BRD4: variants seen among roughly 807,000 people sequenced by gnomAD.
BRD4 encodes bromodomain-containing protein 4.
In BRD4, 16 loss-of-function variants were observed where a neutral mutation model predicts 142.1. The ratio of observed to expected loss-of-function variants is 0.11; its 90% CI spans 0.08 to 0.17. The LOEUF is 0.17. Ranked by LOEUF, BRD4 falls within the 10% of genes least tolerant of loss-of-function variation. BRD4 has a pLI of 1.00. For synonymous variants in BRD4, 833 were observed against 707.5 expected, an observed-to-expected ratio of 1.18 and a Z score of -2.82; for missense variants, 1,424 against 1,810.9, an observed-to-expected ratio of 0.79 and a Z score of 3.88.
chr19:15,240,612 G>A (rs767595066), intron 14 of BRD4, among the ~76,000 whole-genome samples: 12 of 152,176 alleles, frequency 7.9e-5, no homozygotes, highest in Non-Finnish European at 1.6e-4. Flanking sequence ...GGGAGCAGGC[G>A]GAAAAGGGCC....
chr19:15,322,112 T>A (rs2048066541), intron 1 of BRD4, among the ~76,000 whole-genome samples: 1 of 152,124 alleles, frequency 6.6e-6, no homozygotes, highest in South Asian at 2.1e-4. Flanking sequence ...GACCCCCCCA[T>A]AAGAAACACA....
chr19:15,325,411 C>T (rs75354807), intron 1 of BRD4, among the ~76,000 whole-genome samples: 2,091 of 152,222 alleles, frequency 0.014, 26 homozygotes, highest in Non-Finnish European at 0.02. Flanking sequence ...GGACTGGGCT[C>T]GTACTGCCGG....
intron 1 of BRD4, among the ~76,000 whole-genome samples, chr19:15,311,958 A>G (rs2047975224): frequency 6.6e-6 from 1 of 152,282 alleles, no homozygotes; most frequent in African/African-American, 2.4e-5. Flanking sequence ...CGAAGGATAC[A>G]GTGTCAGCTT....
chr19:15,323,680 C>T (rs1395677783), intron 1 of BRD4, among the ~76,000 whole-genome samples: 1 of 152,182 alleles, frequency 6.6e-6, no homozygotes, highest in African/African-American at 2.4e-5. Flanking sequence ...ATACCAAGCC[C>T]AACACCTCTC....
At chr19:15,291,022 C>T (rs1221276857) in intron 1 of BRD4, among the ~76,000 whole-genome samples, 1 of 152,096 alleles carries the variant, frequency 6.6e-6, no homozygotes, top group African/African-American at 2.4e-5. Flanking sequence ...GCACTTCAGA[C>T]CCTGCAAAAC....
intron 11 of BRD4, chr19:15,249,384 C>T (rs1452633462): frequency 6.3e-7 from 1 of 1,597,896 alleles, no homozygotes; most frequent in Non-Finnish European, 8.5e-7. Flanking sequence ...CTGAGCCAAC[C>T]TCCTGCGCCC....
chr19:15,280,140 C>G lies in BRD4; in HGVS notation c.-34-7007G>C. The G allele has an allele frequency of 9.7e-6, 6 of 618,210 alleles. No homozygotes were observed. In the South Asian group the frequency reaches 4.3e-4, roughly 44 times the overall value. The allele number at this position is 618,210 out of a possible 1,614,324, so 38.3% of individuals were successfully genotyped here. A position where few individuals can be genotyped will look rare whatever the true frequency, so the allele number is the denominator to read the frequency against. On this transcript the variant is annotated intron_variant, in intron 1 of 19. Transcript: ENST00000679869. ...AACAACCCTAAAAAGCAGGCTGCGACTTTATCATCTTCATCATCATCCCCA... is the reference window on the plus strand; with the variant it reads ...AACAACCCTAAAAAGCAGGCTGCGAGTTTATCATCTTCATCATCATCCCCA...
At chr19:15,270,304 A>G (rs575757510) in intron 2 of BRD4, among the ~76,000 whole-genome samples, 2 of 152,278 alleles carry the variant, frequency 1.3e-5, no homozygotes, top group East Asian at 1.9e-4. Flanking sequence ...CATCCACGAG[A>G]AAGAGTCAAG....
chr19:15,296,654 G>A (rs2047825364), intron 1 of BRD4, among the ~76,000 whole-genome samples: 1 of 152,168 alleles, frequency 6.6e-6, no homozygotes, highest in Non-Finnish European at 1.5e-5. Context: ...TGGATGTGAG[G>A]CAGCATCCCA....
chr19:15,289,474 C>T (rs2047764548), intron 1 of BRD4, among the ~76,000 whole-genome samples: 2 of 152,076 alleles, frequency 1.3e-5, no homozygotes, highest in African/African-American at 4.8e-5. Flanking sequence ...TCACTTGAAC[C>T]CTGGAGGCGG....
At chr19:15,320,990 T>C (rs1288213339) in intron 1 of BRD4, among the ~76,000 whole-genome samples, 2 of 152,202 alleles carry the variant, frequency 1.3e-5, no homozygotes, top group East Asian at 3.9e-4. Flanking sequence ...TCCCAACACT[T>C]TGGGAGGCCA....
chr19:15,243,095 G>A lies in BRD4; in HGVS notation c.2974C>T (p.Pro992Ser), dbSNP rs1384084905. The change falls in exon 14 of 20, where the codon CCC (proline) becomes TCC (serine). Residue 992 changes from proline to serine, a missense_variant. This residue lies in a region of BRD4 where 598 missense variants were observed against 647.8 expected (regional missense o/e 0.92). Coordinates refer to ENST00000679869, the MANE Select transcript of BRD4 (RefSeq NM_001379291.1). ...TGCAAGTGCACGGGCCGTGGAGGGG[G>A]CTGATGCTGCTGCTGGGGTGGAGGC... ...PQPPPQQQHQ[P>S]PPRPVHLQPM... is the part of the protein sequence containing the mutation. 1 of 1,489,064 alleles carries A rather than the reference G, an allele frequency of 6.7e-7. No homozygotes were observed. Among genetic ancestry groups the A allele is most frequent in the Non-Finnish European group, 8.9e-7 (1 of 1,121,426 alleles). 92.2% of individuals were successfully genotyped at this position (1,489,064 alleles called of 1,614,324 possible). A position where few individuals can be genotyped will look rare whatever the true frequency, so the allele number is the denominator to read the frequency against.
intron 11 of BRD4, chr19:15,249,352 A>G (rs997504362): frequency 1.9e-6 from 3 of 1,613,176 alleles, no homozygotes; most frequent in African/African-American, 1.3e-5. Context: ...CATTTAAGTC[A>G]CAAGAACAGA....
At chr19:15,262,710 G>A (rs1296498056) in intron 7 of BRD4, among the ~76,000 whole-genome samples, 1 of 151,820 alleles carries the variant, frequency 6.6e-6, no homozygotes, top group Non-Finnish European at 1.5e-5. Flanking sequence ...GTGACAGAAC[G>A]AGACCCTGTC....
At chr19:15,311,750 C>A (rs1460255342) in intron 1 of BRD4, among the ~76,000 whole-genome samples, 1 of 152,054 alleles carries the variant, frequency 6.6e-6, no homozygotes, top group Non-Finnish European at 1.5e-5. Flanking sequence ...TGCAGTAAGC[C>A]AACATCGCGC....
chr19:15,331,799 G>A (rs1222332814), intron 1 of BRD4: 1 of 149,948 alleles, frequency 6.7e-6, no homozygotes, highest in Non-Finnish European at 1.5e-5. Context: ...GACCGGGACA[G>A]CTGCGCTCGC....
At chr19:15,328,128 G>T (rs2048125635) in intron 1 of BRD4, among the ~76,000 whole-genome samples, 1 of 152,132 alleles carries the variant, frequency 6.6e-6, no homozygotes, top group South Asian at 2.1e-4. Flanking sequence ...GGATGAACAC[G>T]CTAATAATAA....
chr19:15,250,110 G>C (rs979770708), intron 11 of BRD4, among the ~76,000 whole-genome samples: 8 of 152,098 alleles, frequency 5.3e-5, no homozygotes, highest in African/African-American at 9.7e-5. Flanking sequence ...CCTGGCCCCT[G>C]AGTGCGGGCA....
chr19:15,270,829 C>T (rs982811722), intron 2 of BRD4, among the ~76,000 whole-genome samples: 1 of 152,198 alleles, frequency 6.6e-6, no homozygotes, highest in Non-Finnish European at 1.5e-5. Flanking sequence ...GCTCAGCCCC[C>T]ACCAAATGCC....
Sources: allele counts gnomAD v4.1 joint callset (sites outside exome capture counted in the v4.1 genomes callset), GRCh38; gene constraint gnomAD v4.1.1; regional missense constraint gnomAD v4.1.1; transcripts MANE v1.5; gene names NCBI Gene and HGNC (gene_info 2026-07-23, HGNC 2026-07-21).